AGAP1: variants seen among roughly 807,000 people sequenced by gnomAD.
AGAP1 encodes the protein ArfGAP with GTPase domain, ankyrin repeat and PH domain 1.
In AGAP1, 29 loss-of-function variants were observed where a neutral mutation model predicts 105.3. The ratio of observed to expected loss-of-function variants is 0.28; its 90% CI spans 0.21 to 0.38. The LOEUF is 0.38. AGAP1 is among the 10% of genes least tolerant of loss of function. AGAP1 has a pLI of 1.00. For synonymous variants in AGAP1, 509 were observed against 485.9 expected (o/e 1.05, Z -0.63); for missense variants, 998 against 1,165.1 (o/e 0.86, Z 2.09).
intron 1 of AGAP1, among the ~76,000 whole-genome samples, chr2:235,668,606 C>T (rs969104043): frequency 1.4e-4 from 21 of 152,188 alleles, no homozygotes; most frequent in Non-Finnish European, 1.2e-4. Context: ...AACAATACAT[C>T]TGTGTTTAAG....
intron 1 of AGAP1, chr2:235,670,946 C>A: frequency 7.6e-7 from 1 of 1,318,174 alleles, no homozygotes; most frequent in Non-Finnish European, 9.6e-7. Flanking sequence ...GGGCGGCGGG[C>A]CCTCGCCACG....
chr2:235,821,409 GGTCTCGCTCT>G (rs1338027607), intron 9 of AGAP1, among the ~76,000 whole-genome samples: 4 of 142,200 alleles, frequency 2.8e-5, no homozygotes, highest in African/African-American at 1.2e-4. Context: ...TTTGAGACGG[GGTCTCGCTCT>G]GTCACCCAGG....
chr2:235,953,573 G>A lies in AGAP1; in HGVS notation c.1484-14889G>A, dbSNP rs2053830073. On this transcript the variant is annotated intron_variant, in intron 12 of 17. Transcript: ENST00000304032. This position sits in a 1 kb window ranked among gnomAD's most constrained non-coding sequence, Gnocchi z 5.2. ...TCTTTGTGCTGCAGTGGTCTTACTT[G>A]GCAACTCCCTGTCTTGACAGACTTG... Among the ~76,000 whole-genome samples, 1 of 152,100 alleles carries A rather than the reference G, an allele frequency of 6.6e-6. No individual in the cohort carries two copies. Among genetic ancestry groups the A allele is most frequent in the Non-Finnish European group, 1.5e-5 (1 of 68,028 alleles).
chr2:235,782,253 C>A (rs1025410905), intron 6 of AGAP1, among the ~76,000 whole-genome samples: 4 of 113,768 alleles, frequency 3.5e-5, no homozygotes, highest in Admixed American at 8.1e-5. Context: ...TACACTCCTG[C>A]CCATTTTTTT....
rs2055682782 is a variant in AGAP1 at position 235,994,009 on chromosome 2, A to G, written c.1645+25386A>G. 6.6e-6 allele frequency among the ~76,000 whole-genome samples: 1 copy of G among 152,058 alleles called. No homozygotes were observed. Among genetic ancestry groups the G allele is most frequent in the Admixed American group, 6.6e-5 (1 of 15,266 alleles). On this transcript the variant is annotated intron_variant, in intron 13 of 17. Transcript: ENST00000304032. This position sits in a 1 kb window ranked among gnomAD's most constrained non-coding sequence, Gnocchi z 4.4. ...TTTTTTTTAGCTTGGGAAAGTTACGATGACCCATAAGCCTGCTCCACAGGA... is the reference window on the plus strand; with the variant it reads ...TTTTTTTTAGCTTGGGAAAGTTACGGTGACCCATAAGCCTGCTCCACAGGA...
intron 9 of AGAP1, among the ~76,000 whole-genome samples, chr2:235,863,641 G>A (rs965263901): frequency 6.6e-6 from 1 of 152,216 alleles, no homozygotes; most frequent in Non-Finnish European, 1.5e-5. Flanking sequence ...TCCTGGGCCC[G>A]AGGTCATCGA....
rs987797555 is a variant in AGAP1 at position 236,076,792 on chromosome 2, G to T, written c.2114+27511G>T. 6.6e-6 allele frequency among the ~76,000 whole-genome samples: 1 copy of T among 151,986 alleles called. No individual in the cohort carries two copies. Among genetic ancestry groups the T allele is most frequent in the African/African-American group, 2.4e-5 (1 of 41,378 alleles). On this transcript the variant is annotated intron_variant, in intron 16 of 17. Transcript: ENST00000304032. The surrounding 1 kb of genome is among the most constrained non-coding windows in gnomAD (Gnocchi z 4.4). Reference sequence around the variant, plus strand: ...CCAGTGAGCCAGGGCTACATTTTGGGAAGTGACTGTATCCTACAGAGTAGA... The same window carrying T: ...CCAGTGAGCCAGGGCTACATTTTGGTAAGTGACTGTATCCTACAGAGTAGA...
At chr2:235,784,206 C>T (rs557313355) in intron 6 of AGAP1, among the ~76,000 whole-genome samples, 1 of 151,914 alleles carries the variant, frequency 6.6e-6, no homozygotes, top group Non-Finnish European at 1.5e-5. Context: ...CCAGATAAAC[C>T]TAATTTAATG....
At chr2:235,921,319 A>G (rs890532574) in intron 11 of AGAP1, among the ~76,000 whole-genome samples, 1 of 152,258 alleles carries the variant, frequency 6.6e-6, no homozygotes, top group Non-Finnish European at 1.5e-5. Context: ...AAAGAAGTGT[A>G]TAAAGTTATA....
chr2:235,632,806 T>C (rs538952558), intron 1 of AGAP1, among the ~76,000 whole-genome samples: 1 of 152,310 alleles, frequency 6.6e-6, no homozygotes, highest in African/African-American at 2.4e-5. Flanking sequence ...GGTTTTCCTC[T>C]TGTGGCACCT....
intron 1 of AGAP1, among the ~76,000 whole-genome samples, chr2:235,522,102 T>C (rs566938025): frequency 6.6e-6 from 1 of 152,272 alleles, no homozygotes; most frequent in Admixed American, 6.5e-5. Flanking sequence ...CTGAGAAGCA[T>C]AGAACATTTC....
chr2:235,562,593 C>T (rs60836089), intron 1 of AGAP1, among the ~76,000 whole-genome samples: 15,687 of 152,150 alleles, frequency 0.1, 1,004 homozygotes, highest in South Asian at 0.22. Flanking sequence ...AGGACTATCT[C>T]TGAGTCCTTC....
At chr2:236,106,611 CT>C (rs1176228005) in intron 16 of AGAP1, among the ~76,000 whole-genome samples, 1 of 152,248 alleles carries the variant, frequency 6.6e-6, no homozygotes, top group African/African-American at 2.4e-5. Context: ...TAAGCCAATT[CT>C]TTCATTCTGG....
chr2:235,590,680 T>TGCGTGTGC (rs199873607), intron 1 of AGAP1, among the ~76,000 whole-genome samples: 1 of 116,570 alleles, frequency 8.6e-6, no homozygotes, highest in Non-Finnish European at 1.8e-5. Context: ...TGTGTGTGTG[T>TGCGTGTGC]GTGTGCGTGT....
At chr2:235,832,132 C>A (rs1004299288) in intron 9 of AGAP1, among the ~76,000 whole-genome samples, 1 of 152,110 alleles carries the variant, frequency 6.6e-6, no homozygotes, top group Admixed American at 6.5e-5. Flanking sequence ...CTGTTCAGAT[C>A]TTCTGCTCAT....
In AGAP1 at chr2:235,610,039, C is replaced by T. The variant is rs1173891050; in HGVS notation, c.164-99140C>T. 6.6e-6 allele frequency among the ~76,000 whole-genome samples: 1 copy of T among 152,128 alleles called. No homozygotes were observed. The highest frequency in any genetic ancestry group is 1.5e-5 in the Non-Finnish European group (1 of 68,028). On this transcript the variant is annotated intron_variant, in intron 1 of 17. Coordinates refer to ENST00000304032, the MANE Select transcript of AGAP1 (RefSeq NM_001037131.3). The surrounding 1 kb of genome is among the most constrained non-coding windows in gnomAD (Gnocchi z 4.9). Reference sequence around the variant, plus strand: ...AGGATAATGGTAAAGTTGCCAGCAGCAATGCTTTTCCTGCATTTGCCCCAA... The same window carrying T: ...AGGATAATGGTAAAGTTGCCAGCAGTAATGCTTTTCCTGCATTTGCCCCAA...
At chr2:235,730,783 C>A (rs1951903292) in intron 3 of AGAP1, among the ~76,000 whole-genome samples, 1 of 152,164 alleles carries the variant, frequency 6.6e-6, no homozygotes, top group Non-Finnish European at 1.5e-5. Flanking sequence ...AATATTCAAG[C>A]ACCACTGTTT....
chr2:235,698,381 T>C (rs1346037919), intron 1 of AGAP1, among the ~76,000 whole-genome samples: 2 of 152,140 alleles, frequency 1.3e-5, no homozygotes, highest in Non-Finnish European at 2.9e-5. Context: ...TGTTTTAATA[T>C]ACATCTCCAC....
intron 1 of AGAP1, among the ~76,000 whole-genome samples, chr2:235,645,585 A>G (rs1947345822): frequency 6.6e-6 from 1 of 151,852 alleles, no homozygotes. Context: ...AGTTCAGAGA[A>G]TGGGTCATTG....
Sources: gnomAD v4.1 joint callset for allele counts (sites outside exome capture counted in the v4.1 genomes callset) on GRCh38, gnomAD v4.1.1 for gene constraint, Gnocchi (gnomAD v3.1) non-coding constraint, MANE v1.5 for transcripts, NCBI Gene and HGNC (gene_info 2026-07-23, HGNC 2026-07-21) for gene names.